The following CWC15 variants were observed in gnomAD, a reference collection of about 807,000 sequenced individuals.
CWC15 encodes the protein spliceosome-associated protein CWC15 homolog.
Under a neutral mutation model 28.4 loss-of-function variants are expected in CWC15, and 12 were observed. The observed-to-expected ratio is 0.42, with a 90% confidence interval of 0.27 to 0.69. The LOEUF is 0.69. Among genes scored for constraint, CWC15 ranks in the 30% least tolerant of loss-of-function variants. CWC15 has a pLI of 0.23. For synonymous variants in CWC15, 92 were observed against 88.4 expected, an observed-to-expected ratio of 1.04 and a Z score of -0.23; for missense variants, 192 against 271.5, an observed-to-expected ratio of 0.71 and a Z score of 2.06.
In CWC15 at chr11:94,966,372, T is replaced by G. The variant is rs587765821; in HGVS notation, c.483A>C (p.Glu161Asp). 2 of 1,557,094 alleles carry G rather than the reference T, an allele frequency of 1.3e-6. No individual in the cohort carries two copies. The highest frequency in any genetic ancestry group is 2.4e-5 in the South Asian group (2 of 84,390). ...GGAGAGGGTTTCCGCTCAGAATGTT[T>G]TCCATACGAATCCTCTCTTCTTCAG... ...QKAEEERIRM[E>D]NILSGNPLLN... The change falls in exon 6 of 7, where the codon GAA (glutamate) becomes GAC (aspartate). Residue 161 changes from glutamate (E) to aspartate (D), a missense_variant. By Grantham distance (45) the Glu-to-Asp change is conservative. Around this residue, in one of 2 missense-constraint regions of CWC15, gnomAD observed 188 missense variants for 250.3 expected, o/e 0.75. Transcript: ENST00000279839.
intron 6 of CWC15, among the ~76,000 whole-genome samples, chr11:94,963,729 CATTCTT>C (rs1480181771): frequency 3.3e-4 from 50 of 152,258 alleles, no homozygotes; most frequent in African/African-American, 1.1e-3. Context: ...AACATTAAAA[CATTCTT>C]ATTATTTCTC....
chr11:94,970,292 A>C lies in CWC15; in HGVS notation c.334-196T>G, dbSNP rs151048646. The stretch of plus-strand genomic sequence containing the variant: ...CTCAGAAGAAAATAATTTCAAATGA[A>C]TAATCATTAAATTTCAGTTGAAATT... On this transcript the variant is annotated intron_variant, in intron 4 of 6. Transcript: ENST00000279839. 1.1e-3 allele frequency: 451 copies of C among 410,702 alleles called. 5 individuals carry two copies. The highest frequency in any genetic ancestry group is 7.9e-3 in the African/African-American group (385 of 48,526). The allele number at this position is 410,702 out of a possible 1,614,324, so 25.4% of individuals were successfully genotyped here.
rs374678614 is a variant in CWC15, at chr11:94,970,104, A to G, written c.334-8T>C. 9.3e-6 allele frequency: 13 copies of G among 1,390,982 alleles called. No individual in the cohort carries two copies. The East Asian group carries it at 2.2e-4, about 23-fold the overall frequency. 86.2% of individuals were successfully genotyped at this position (1,390,982 alleles called of 1,614,324 possible). On this transcript the variant is annotated splice_region_variant and splice_polypyrimidine_tract_variant and intron_variant, in intron 4 of 6. Coordinates refer to ENST00000279839, the MANE Select transcript of CWC15 (RefSeq NM_016403.4). ...AAAATCTTCATCTTCCTCCTAAAAG[A>G]ACAGTGAGAGCCCAGAAGATTGGAG...
Position 94,972,206 on chromosome 11 carries a change from A to T in CWC15, c.-8-13T>A. 6.2e-7 allele frequency: 1 copy of T among 1,608,868 alleles called. No homozygotes were observed. The highest frequency in any genetic ancestry group is 8.5e-7 in the Non-Finnish European group (1 of 1,177,808). On this transcript the variant is annotated splice_polypyrimidine_tract_variant and intron_variant, in intron 1 of 6. Coordinates refer to ENST00000279839, the MANE Select transcript of CWC15 (RefSeq NM_016403.4). ...GTCATCTTTTATGCTTTGAAGAAAA[A>T]TATAATCAAGTTATTTCCAACATTA...
rs587653118 is a variant in CWC15, at chr11:94,964,160, A to G, written c.561-646T>C. On this transcript the variant is annotated intron_variant, in intron 6 of 6. Transcript: ENST00000279839. ...CACCCATAAATAAGTTATAAAATAC[A>G]TGTGTTATAGAAAATAAAGAGCATG... Among the ~76,000 whole-genome samples the G allele has an allele frequency of 2.0e-5, 3 of 152,336 alleles. No individual in the cohort carries two copies. In the South Asian group the frequency reaches 6.2e-4, roughly 32 times the overall value.
At chr11:94,969,135 T>A (rs1477641662) in intron 5 of CWC15, among the ~76,000 whole-genome samples, 1 of 152,180 alleles carries the variant, frequency 6.6e-6, no homozygotes, top group Non-Finnish European at 1.5e-5. Context: ...CTCAACCTCC[T>A]TTTTTATTTT....
chr11:94,968,217 G>A (rs1857672178), intron 5 of CWC15, among the ~76,000 whole-genome samples: 1 of 152,172 alleles, frequency 6.6e-6, no homozygotes, highest in South Asian at 2.1e-4. Flanking sequence ...AGGTGAGTAG[G>A]TGTGATAGAG....
At chr11:94,970,797 C>T (rs587691489) in intron 4 of CWC15, 180 bp downstream of exon 4, 124 of 593,276 alleles carry the variant, frequency 2.1e-4, no homozygotes, top group African/African-American at 2.0e-3. Flanking sequence ...TAAAGTCCCA[C>T]AAAATAATAC....
rs1555095948 is a variant in CWC15 at position 94,970,116 on chromosome 11, C to A, written c.334-20G>T. ...TTCCTCCTAAAAGAACAGTGAGAGC[C>A]CAGAAGATTGGAGGGAAAATACACA... On this transcript the variant is annotated intron_variant, in intron 4 of 6. Transcript: ENST00000279839. 2 of 1,292,582 alleles carry A rather than the reference C, an allele frequency of 1.5e-6. No homozygotes were observed. Among genetic ancestry groups the A allele is most frequent in the Non-Finnish European group, 1.1e-6 (1 of 923,116 alleles). 80.1% of individuals were successfully genotyped at this position (1,292,582 alleles called of 1,614,324 possible).
chr11:94,963,162 C>T lies in CWC15; in HGVS notation c.*223G>A, dbSNP rs1229207800. On this transcript the variant is annotated 3_prime_UTR_variant, in exon 7 of 7. Coordinates refer to ENST00000279839, the MANE Select transcript of CWC15 (RefSeq NM_016403.4). ...ATTTATTACAGGCAGATTTGCTTTT[C>T]CCAGGAAAACATATCACTGGAAACA... 3.1e-6 allele frequency: 1 copy of T among 326,858 alleles called. No homozygotes were observed. The highest frequency in any genetic ancestry group is 4.9e-5 in the East Asian group (1 of 20,294). 20.2% of individuals were successfully genotyped at this position (326,858 alleles called of 1,614,324 possible).
intron 5 of CWC15, 33 bp downstream of exon 5, chr11:94,969,956 G>A: frequency 7.1e-7 from 1 of 1,403,744 alleles, no homozygotes; most frequent in South Asian, 1.5e-5. Context: ...TATGTGAGAA[G>A]ATAGATGTAA....
In CWC15 at chr11:94,971,392, C is replaced by T; in HGVS notation, c.227G>A (p.Arg76Lys). The change falls in exon 3 of 7, where the codon AGG becomes AAG. Residue 76 changes from arginine to lysine, a missense_variant. By Grantham distance (26) the Arg-to-Lys change is conservative (BLOSUM62 2). Around this residue, in one of 2 missense-constraint regions of CWC15, gnomAD observed 188 missense variants for 250.3 expected, o/e 0.75. Transcript: ENST00000279839. Reference sequence around the variant, plus strand: ...GTTGGTACCTCGGGTTGGACGATCCCTATTTTTCTCTCTTGCAGCAGCTCT... The same window carrying T: ...GTTGGTACCTCGGGTTGGACGATCCTTATTTTTCTCTCTTGCAGCAGCTCT... Reference protein sequence around the residue: ...RERAAAREKNRDRPTREHTTS... With the variant: ...RERAAAREKNKDRPTREHTTS... 1 of 1,612,018 alleles carries T rather than the reference C, an allele frequency of 6.2e-7. No individual in the cohort carries two copies. Among genetic ancestry groups the T allele is most frequent in the Non-Finnish European group, 8.5e-7 (1 of 1,178,822 alleles).
chr11:94,972,193 G>A lies in CWC15; in HGVS notation c.-8C>T. The A allele has an allele frequency of 6.2e-7, 1 of 1,609,482 alleles. No homozygotes were observed. The highest frequency in any genetic ancestry group is 8.5e-7 in the Non-Finnish European group (1 of 1,178,540). On this transcript the variant is annotated splice_region_variant and 5_prime_UTR_variant, in exon 2 of 7. Transcript: ENST00000279839. ...CCTGGCTGCTGTTGTCATCTTTTAT[G>A]CTTTGAAGAAAAATATAATCAAGTT...
intron 6 of CWC15, among the ~76,000 whole-genome samples, chr11:94,964,179 G>A (rs1327878073): frequency 2.0e-5 from 3 of 151,866 alleles, no homozygotes; most frequent in Non-Finnish European, 4.4e-5. Context: ...AGAAAATAAA[G>A]AGCATGATTT....
chr11:94,972,212 T>C lies in CWC15; in HGVS notation c.-8-19A>G. ...TTTTATGCTTTGAAGAAAAATATAA[T>C]CAAGTTATTTCCAACATTACAAACA... is the stretch of plus-strand genomic sequence containing the variant. On this transcript the variant is annotated intron_variant, in intron 1 of 6. Coordinates refer to ENST00000279839, the MANE Select transcript of CWC15 (RefSeq NM_016403.4). 6.2e-7 allele frequency: 1 copy of C among 1,606,306 alleles called. No homozygotes were observed. Among genetic ancestry groups the C allele is most frequent in the Non-Finnish European group, 8.5e-7 (1 of 1,176,048 alleles).
rs879998803 is a variant in CWC15, at chr11:94,966,359, C to T, written c.496G>A (p.Gly166Arg). Residue 166 changes from glycine to arginine, a missense_variant, in exon 6 of 7, where the codon GGA (glycine) becomes AGA (arginine). Transcript: ENST00000279839. ...CCAGTGAGATTAAGGAGAGGGTTTC[C>T]GCTCAGAATGTTTTCCATACGAATC... The part of the protein sequence containing the change: ...ERIRMENILS[G>R]NPLLNLTGPS... 6.4e-7 allele frequency: 1 copy of T among 1,559,000 alleles called. No homozygotes were observed. Among genetic ancestry groups the T allele is most frequent in the Non-Finnish European group, 8.7e-7 (1 of 1,150,278 alleles).
intron 4 of CWC15, 60 bp downstream of exon 4, chr11:94,970,917 G>A (rs1289406744): frequency 1.5e-6 from 2 of 1,331,532 alleles, no homozygotes; most frequent in African/African-American, 1.4e-5. Context: ...GACATAACAA[G>A]TATTTTAGAA....
chr11:94,972,734 AG>A (rs1234642983), intron 1 of CWC15, among the ~76,000 whole-genome samples: 1 of 152,224 alleles, frequency 6.6e-6, no homozygotes, highest in Non-Finnish European at 1.5e-5. Flanking sequence ...CCCAGAGAAA[AG>A]TGTGTTAAAC....
intron 5 of CWC15, among the ~76,000 whole-genome samples, chr11:94,967,116 G>T (rs1210646345): frequency 1.3e-5 from 2 of 148,754 alleles, no homozygotes; most frequent in Admixed American, 1.4e-4. Context: ...CATGATCTCA[G>T]CTCACTGCAA....
Sources: gnomAD v4.1 joint callset for allele counts (sites outside exome capture counted in the v4.1 genomes callset) on GRCh38, gnomAD v4.1.1 for gene constraint, gnomAD v4.1.1 regional missense constraint, MANE v1.5 for transcripts, NCBI Gene and HGNC (gene_info 2026-07-23, HGNC 2026-07-21) for gene names.